LARGE1: variants seen among roughly 807,000 people sequenced by gnomAD.
LARGE1 encodes the protein LARGE xylosyl- and glucuronyltransferase 1.
In LARGE1, 43 loss-of-function variants were observed where a neutral mutation model predicts 87.6. The ratio of observed to expected loss-of-function variants is 0.49; its 90% CI spans 0.38 to 0.63. The LOEUF (loss-of-function observed/expected upper bound fraction) is 0.63. Among genes scored for constraint, LARGE1 ranks in the 30% least tolerant of loss-of-function variants. The pLI is 0.00. For missense variants in LARGE1, 802 were observed against 1,000.2 expected, an observed-to-expected ratio of 0.80 and a Z score of 2.67; for synonymous variants, 434 against 394.6, an observed-to-expected ratio of 1.10 and a Z score of -1.18.
chr22:33,424,020 G>C (rs1043719320), intron 7 of LARGE1, among the ~76,000 whole-genome samples: 1 of 152,196 alleles, frequency 6.6e-6, no homozygotes, highest in African/African-American at 2.4e-5. Context: ...AGTTCAATTT[G>C]AGCTAGAAGT....
At chr22:33,168,245 C>T (rs1314461817) in intron 11 of LARGE1, among the ~76,000 whole-genome samples, 1 of 152,246 alleles carries the variant, frequency 6.6e-6, no homozygotes, top group Non-Finnish European at 1.5e-5. Context: ...CCCATTCTTA[C>T]TGGCTCTGGA....
chr22:33,409,845 A>G (rs2066244040), intron 7 of LARGE1, among the ~76,000 whole-genome samples: 2 of 143,542 alleles, frequency 1.4e-5, no homozygotes. Flanking sequence ...TGGGCGACAG[A>G]GTGAGACTCC....
intron 7 of LARGE1, among the ~76,000 whole-genome samples, chr22:33,414,933 G>A (rs1397865784): frequency 2.0e-5 from 3 of 152,200 alleles, no homozygotes; most frequent in Non-Finnish European, 2.9e-5. Flanking sequence ...GGACTTCCCA[G>A]CCTCCAGAAC....
At chr22:33,070,134 C>G in the LARGE1 span, among the ~76,000 whole-genome samples, 1 of 152,176 alleles carries the variant, frequency 6.6e-6, no homozygotes. Context: ...TTATTACATT[C>G]TTAATAATGT....
At chr22:33,652,293 A>G (rs1295948681) in intron 2 of LARGE1, among the ~76,000 whole-genome samples, 2 of 152,114 alleles carry the variant, frequency 1.3e-5, no homozygotes, top group Admixed American at 6.5e-5. Flanking sequence ...GGTCTCTCTG[A>G]TATCTGGGCC....
intron 1 of LARGE1, among the ~76,000 whole-genome samples, chr22:33,801,132 C>T (rs940559724): frequency 8.5e-5 from 13 of 152,120 alleles, no homozygotes; most frequent in Admixed American, 5.2e-4. Context: ...TCTCTCTTGC[C>T]GCCGCCATGT....
intron 1 of LARGE1, among the ~76,000 whole-genome samples, chr22:33,901,105 T>C (rs1394032785): frequency 6.6e-6 from 1 of 151,836 alleles, no homozygotes; most frequent in East Asian, 1.9e-4. Context: ...GGGAAGACAA[T>C]GTGAAGACAC....
At chr22:33,714,818 T>A (rs1315454706) in intron 2 of LARGE1, among the ~76,000 whole-genome samples, 1 of 152,132 alleles carries the variant, frequency 6.6e-6, no homozygotes. Flanking sequence ...ATCTACGCCA[T>A]CTCAGGTTAT....
the LARGE1 span, among the ~76,000 whole-genome samples, chr22:33,112,895 C>T: frequency 2.0e-5 from 3 of 152,148 alleles, no homozygotes; most frequent in African/African-American, 7.2e-5. Flanking sequence ...TCTGTCTTCT[C>T]TGCCAGGAAA....
At chr22:33,127,327 G>T in the LARGE1 span, among the ~76,000 whole-genome samples, 1 of 120,746 alleles carries the variant, frequency 8.3e-6, no homozygotes, top group Non-Finnish European at 1.9e-5. Context: ...AGCACAAGTG[G>T]TCAGGTGAGA....
chr22:33,169,637 G>A (rs914570178), intron 11 of LARGE1, among the ~76,000 whole-genome samples: 2 of 151,874 alleles, frequency 1.3e-5, no homozygotes, highest in African/African-American at 4.8e-5. Context: ...GGATCATGAG[G>A]TCAGGAGATT....
chr22:33,886,345 T>C (rs1467427959), intron 1 of LARGE1, among the ~76,000 whole-genome samples: 1 of 152,218 alleles, frequency 6.6e-6, no homozygotes, highest in Non-Finnish European at 1.5e-5. Flanking sequence ...GCAGAGAATC[T>C]AGTTTGGGCT....
intron 2 of LARGE1, among the ~76,000 whole-genome samples, chr22:33,685,027 C>T (rs894374196): frequency 5.3e-5 from 8 of 152,220 alleles, no homozygotes; most frequent in African/African-American, 1.9e-4. Context: ...CAGCTCCTCA[C>T]ACCAGAGATT....
At chr22:33,858,379 G>A (rs2063818484) in intron 1 of LARGE1, among the ~76,000 whole-genome samples, 1 of 152,220 alleles carries the variant, frequency 6.6e-6, no homozygotes, top group African/African-American at 2.4e-5. Context: ...AGATTTAACA[G>A]AGTGAAAACA....
chr22:33,664,920 T>C (rs2081226029), intron 2 of LARGE1, among the ~76,000 whole-genome samples: 1 of 152,184 alleles, frequency 6.6e-6, no homozygotes, highest in Admixed American at 6.5e-5. Flanking sequence ...ATGTCTATCC[T>C]GTTCGAACCC....
At chr22:33,469,609 G>C (rs778360764) in intron 6 of LARGE1, among the ~76,000 whole-genome samples, 3 of 152,050 alleles carry the variant, frequency 2.0e-5, no homozygotes, top group Admixed American at 6.5e-5. Context: ...TGGATCACTT[G>C]AGGTCAGGAG....
At chr22:33,606,649 C>T (rs1424203383) in intron 4 of LARGE1, among the ~76,000 whole-genome samples, 1 of 151,996 alleles carries the variant, frequency 6.6e-6, no homozygotes, top group Non-Finnish European at 1.5e-5. Flanking sequence ...GGCATCTGTC[C>T]CGCAGTTGCT....
chr22:33,515,332 G>C (rs2071253842), intron 6 of LARGE1, among the ~76,000 whole-genome samples: 1 of 152,044 alleles, frequency 6.6e-6, no homozygotes, highest in Non-Finnish European at 1.5e-5. Flanking sequence ...GATGCACAGA[G>C]ACCTAGAAAG....
At chr22:33,550,359 C>A (rs1225862400) in intron 6 of LARGE1, among the ~76,000 whole-genome samples, 1 of 152,114 alleles carries the variant, frequency 6.6e-6, no homozygotes, top group Non-Finnish European at 1.5e-5. Context: ...CAGGGAAAGA[C>A]ATTTTCCTCA....
Sources: gnomAD v4.1 joint callset for allele counts (sites outside exome capture counted in the v4.1 genomes callset) on GRCh38, gnomAD v4.1.1 for gene constraint, MANE v1.5 for transcripts, NCBI Gene and HGNC (gene_info 2026-07-23, HGNC 2026-07-21) for gene names.